Variants in CLPB observed in about 807,000 individuals in gnomAD.
CLPB encodes the protein ClpB family mitochondrial disaggregase, also known as mitochondrial disaggregase.
A neutral mutation model predicts 78.4 loss-of-function variants in CLPB; 40 were observed. The ratio of observed to expected loss-of-function variants is 0.51; its 90% CI spans 0.40 to 0.66. CLPB has a LOEUF of 0.66. Among genes scored for constraint, CLPB ranks in the 30% least tolerant of loss-of-function variants. CLPB has a pLI of 0.00. For synonymous variants in CLPB, 333 were observed against 348.0 expected (o/e 0.96, Z 0.48); for missense variants, 780 against 886.9 (o/e 0.88, Z 1.53).
At chr11:72,305,733 A>G (rs1467837161) in intron 9 of CLPB, among the ~76,000 whole-genome samples, 1 of 152,210 alleles carries the variant, frequency 6.6e-6, no homozygotes, top group Non-Finnish European at 1.5e-5. Context: ...TTTGTCTCCC[A>G]TTCAGTTGTG....
At position 72,288,761 on chromosome 11, in the gene CLPB, A is replaced by G. The variant is rs1012479056; in HGVS notation, c.*4606T>C. ...CTTGGCATCTGCCCTCTTAGAACTT[A>G]CATTCTAGTGATGAAGACACAGAAC... On this transcript the variant is annotated 3_prime_UTR_variant, in exon 16 of 16. Transcript: ENST00000538039. 6.6e-6 allele frequency: 1 copy of G among 152,292 alleles called. No homozygotes were observed. Among genetic ancestry groups the G allele is most frequent in the African/African-American group, 2.4e-5 (1 of 41,450 alleles). 9.4% of individuals were successfully genotyped at this position (152,292 alleles called of 1,614,324 possible).
chr11:72,386,444 TCTTC>T (rs1855079626), intron 3 of CLPB, among the ~76,000 whole-genome samples: 1 of 152,262 alleles, frequency 6.6e-6, no homozygotes, highest in Non-Finnish European at 1.5e-5. Context: ...GCTTGTTTTC[TCTTC>T]CTTGATAGTT....
chr11:72,433,540 GAAATAAATAAATAAATAAATAAAT>G (rs563884899), intron 1 of CLPB, among the ~76,000 whole-genome samples: 6 of 138,588 alleles, frequency 4.3e-5, no homozygotes, highest in Admixed American at 7.2e-5. Flanking sequence ...CTCCATCTCA[GAAATAAATAAATAAATAAATAAAT>G]AAATAAATAA....
At chr11:72,417,396 A>C (rs1284009247) in intron 2 of CLPB, among the ~76,000 whole-genome samples, 1 of 152,206 alleles carries the variant, frequency 6.6e-6, no homozygotes, top group Non-Finnish European at 1.5e-5. Context: ...CAAATCCAGA[A>C]ACAGAAAGCA....
intron 1 of CLPB, among the ~76,000 whole-genome samples, chr11:72,432,912 T>C (rs770500734): frequency 3.9e-5 from 6 of 152,182 alleles, no homozygotes; most frequent in Non-Finnish European, 5.9e-5. Context: ...GTGCATGGAA[T>C]CTATGGACAC....
chr11:72,312,289 G>A lies in CLPB; in HGVS notation c.989-3685C>T, dbSNP rs1590779598. Among the ~76,000 whole-genome samples, 1 of 152,156 alleles carries A rather than the reference G, an allele frequency of 6.6e-6. No homozygotes were observed. Among genetic ancestry groups the A allele is most frequent in the Admixed American group, 6.5e-5 (1 of 15,278 alleles). On this transcript the variant is annotated intron_variant, in intron 7 of 15. Transcript: ENST00000538039. This position sits in a 1 kb window ranked among gnomAD's most constrained non-coding sequence, Gnocchi z 4.2. Reference sequence around the variant, plus strand: ...TAATGGTAGTCATAGCAGCAGCAATGGTAGTTACCATTAGCTTTGGTATTT... The same window carrying A: ...TAATGGTAGTCATAGCAGCAGCAATAGTAGTTACCATTAGCTTTGGTATTT...
At chr11:72,306,079 G>A (rs1430785862) in intron 9 of CLPB, among the ~76,000 whole-genome samples, 1 of 152,240 alleles carries the variant, frequency 6.6e-6, no homozygotes, top group African/African-American at 2.4e-5. Context: ...CTCGGTCGGA[G>A]CGCATTAGCA....
At chr11:72,408,683 A>AG (rs1470253512) in intron 2 of CLPB, among the ~76,000 whole-genome samples, 50 of 151,268 alleles carry the variant, frequency 3.3e-4, no homozygotes, top group African/African-American at 1.1e-3. Flanking sequence ...AAAAAAAAAA[A>AG]AAAAGAAAAG....
In CLPB at chr11:72,293,753, T is replaced by C. The variant is rs1949495030; in HGVS notation, c.1786-138A>G. 3 of 1,078,216 alleles carry C rather than the reference T, an allele frequency of 2.8e-6. No individual in the cohort carries two copies. The South Asian group carries it at 5.0e-5, about 18-fold the overall frequency. The allele number at this position is 1,078,216 out of a possible 1,614,324, so 66.8% of individuals were successfully genotyped here. A position where few individuals can be genotyped will look rare whatever the true frequency, so the allele number is the denominator to read the frequency against. Reference sequence around the variant, plus strand: ...AGCTTTCTCATTTGCCAATTGGGGCTAATAACAGCTAGCTCGCAGGACTGC... The same window carrying C: ...AGCTTTCTCATTTGCCAATTGGGGCCAATAACAGCTAGCTCGCAGGACTGC... On this transcript the variant is annotated intron_variant, in intron 15 of 15. Coordinates refer to ENST00000538039, the MANE Select transcript of CLPB (RefSeq NM_001258392.3).
chr11:72,294,490 G>A (rs773556958), intron 13 of CLPB, 46 bp from the exon 14 acceptor site: 20 of 1,612,542 alleles, frequency 1.2e-5, no homozygotes, highest in East Asian at 8.9e-5. Flanking sequence ...GACCCAGAGC[G>A]GGTTAGGGAA....
At chr11:72,322,346 A>C (rs1036733835) in intron 6 of CLPB, among the ~76,000 whole-genome samples, 1 of 152,240 alleles carries the variant, frequency 6.6e-6, no homozygotes, top group African/African-American at 2.4e-5. Flanking sequence ...TGATGAGAGA[A>C]GGTTGAGGGG....
At chr11:72,382,744 A>G (rs1565475212) in intron 3 of CLPB, among the ~76,000 whole-genome samples, 1 of 152,292 alleles carries the variant, frequency 6.6e-6, no homozygotes, top group East Asian at 1.9e-4. Flanking sequence ...ATCTGCAAAG[A>G]CTGGATAAGT....
At position 72,341,802 on chromosome 11, in the gene CLPB, A is replaced by T. The variant is rs575513129; in HGVS notation, c.776-11998T>A. ...TGGTGGCAGAAGTCACTTTAGAGTG[A>T]CTGCATGCTGGGTTAAACATCTGGG... On this transcript the variant is annotated intron_variant, in intron 5 of 15. Coordinates refer to ENST00000538039, the MANE Select transcript of CLPB (RefSeq NM_001258392.3). 1.4e-4 allele frequency among the ~76,000 whole-genome samples: 21 copies of T among 152,318 alleles called. No homozygotes were observed. The South Asian group carries it at 3.5e-3, about 26-fold the overall frequency.
rs149474855 is a variant in CLPB at position 72,294,303 on chromosome 11, C to T, written c.1680+22G>A. The T allele has an allele frequency of 8.3e-4, 1,339 of 1,614,202 alleles. 12 individuals are homozygous for T. The African/African-American group carries it at 0.016, about 19-fold the overall frequency. On this transcript the variant is annotated intron_variant, in intron 14 of 15. Coordinates refer to ENST00000538039, the MANE Select transcript of CLPB (RefSeq NM_001258392.3). ...CCAGTGGCTGGCTATCCCGCCCCCA[C>T]CCATGGGCAGTTCCCTCTTACTCTC... is the stretch of plus-strand genomic sequence containing the variant.
Position 72,293,115 on chromosome 11 carries a change from G to A in CLPB, c.*252C>T, listed in dbSNP as rs1362385219. On this transcript the variant is annotated 3_prime_UTR_variant, in exon 16 of 16. Transcript: ENST00000538039. ...TCCATCCCTCCTTGCCTTGAAGGGG[G>A]TGGAAAGGCAGCTCCTCTCCTGAAG... 1 of 452,758 alleles carries A rather than the reference G, an allele frequency of 2.2e-6. No homozygotes were observed. Among genetic ancestry groups the A allele is most frequent in the South Asian group, 3.5e-5 (1 of 28,264 alleles). 28.0% of individuals were successfully genotyped at this position (452,758 alleles called of 1,614,324 possible).
rs139846918 is a variant in CLPB, at chr11:72,401,178, G to A, written c.542+1788C>T. ...AGGTGCGCCAGACATGGTGGCTCAC[G>A]CCTGTAATCCCAGCACTTTGGGAGG... On this transcript the variant is annotated intron_variant, in intron 3 of 15. Transcript: ENST00000538039. 2.5e-3 allele frequency among the ~76,000 whole-genome samples: 387 copies of A among 152,222 alleles called. 1 individual carries two copies. Among genetic ancestry groups the A allele is most frequent in the Non-Finnish European group, 3.2e-3 (218 of 68,018 alleles).
Position 72,295,526 on chromosome 11 carries a change from C to T in CLPB, c.1452G>A (p.Leu484=), listed in dbSNP as rs1565419557. 6.2e-7 allele frequency: 1 copy of T among 1,614,204 alleles called. No homozygotes were observed. The highest frequency in any genetic ancestry group is 1.1e-5 in the South Asian group (1 of 91,084). The change falls in exon 12 of 16, where the codon TTG becomes TTA. Residue 484 remains leucine (L), a synonymous_variant. Coordinates refer to ENST00000538039, the MANE Select transcript of CLPB (RefSeq NM_001258392.3). ...CGGCAATACGGTTACGGCTCATCTC[C>T]AAAGCTTCCTGCCTCAGCTGCAGCG... The part of the protein sequence containing the change: ...QHALQLRQEA[L]EMSRNRIAEN...
intron 5 of CLPB, among the ~76,000 whole-genome samples, chr11:72,334,602 C>T (rs1256164472): frequency 1.3e-5 from 2 of 152,260 alleles, no homozygotes; most frequent in African/African-American, 2.4e-5. Flanking sequence ...CCACGTTGGG[C>T]CTCACCCGCC....
chr11:72,301,687 C>G (rs370019855), intron 11 of CLPB, 116 bp downstream of exon 11: 19 of 1,138,878 alleles, frequency 1.7e-5, no homozygotes, highest in Non-Finnish European at 2.3e-5. Context: ...TGTACACATG[C>G]GGGAGCAGGA....
Sources: gnomAD v4.1 joint callset for allele counts (sites outside exome capture counted in the v4.1 genomes callset) on GRCh38, gnomAD v4.1.1 for gene constraint, Gnocchi (gnomAD v3.1) non-coding constraint, MANE v1.5 for transcripts, NCBI Gene and HGNC (gene_info 2026-07-23, HGNC 2026-07-21) for gene names.